ADCY3: variants seen among roughly 807,000 people sequenced by gnomAD.
The protein encoded by ADCY3 is adenylate cyclase type 3.
In ADCY3, 70 loss-of-function variants were observed where a neutral mutation model predicts 119.4. The ratio of observed to expected loss-of-function variants is 0.59; its 90% CI spans 0.48 to 0.72. The LOEUF (loss-of-function observed/expected upper bound fraction) is 0.72. ADCY3 is among the 30% of genes least tolerant of loss of function. The pLI is 0.00. For synonymous variants in ADCY3, 672 were observed against 621.4 expected, an observed-to-expected ratio of 1.08 and a Z score of -1.21; for missense variants, 1,238 against 1,541.6, an observed-to-expected ratio of 0.80 and a Z score of 3.30.
At chr2:24,897,062 G>A (rs1047465923) in intron 2 of ADCY3, among the ~76,000 whole-genome samples, 2 of 152,166 alleles carry the variant, frequency 1.3e-5, no homozygotes, top group Non-Finnish European at 2.9e-5. Context: ...TCGACTGGAA[G>A]CAGAAGTCTC....
intron 3 of ADCY3, among the ~76,000 whole-genome samples, chr2:24,844,117 CA>C (rs1282078647): frequency 2.0e-5 from 3 of 152,190 alleles, no homozygotes; most frequent in Non-Finnish European, 4.4e-5. Flanking sequence ...GCAGCAGGCA[CA>C]GGGGGAGGCC....
rs963589632 is a variant in ADCY3 at position 24,918,808 on chromosome 2, C to G, written c.180G>C (p.Glu60Asp). Residue 60 changes from glutamate to aspartate, a missense_variant, in exon 2 of 22, where the codon GAG (glutamate) becomes GAC (aspartate). This residue lies in a region of ADCY3 where 227 missense variants were observed against 249.3 expected (regional missense o/e 0.91). Transcript: ENST00000679454. The surrounding 1 kb of genome is among the most constrained non-coding windows in gnomAD (Gnocchi z 5.4). Reference sequence around the variant, plus strand: ...AGGTCTGGTAGAGGTTCTCCAAGGACTCCGGCACGAAAGTCAGCCGCATGA... The same window carrying G: ...AGGTCTGGTAGAGGTTCTCCAAGGAGTCCGGCACGAAAGTCAGCCGCATGA... ...PRFMRLTFVP[E>D]SLENLYQTYF... 27 of 1,613,726 alleles carry G rather than the reference C, an allele frequency of 1.7e-5. No homozygotes were observed. The African/African-American group carries it at 2.8e-4, about 17-fold the overall frequency.
chr2:24,859,801 G>A (rs1249737003), intron 3 of ADCY3, among the ~76,000 whole-genome samples: 1 of 152,180 alleles, frequency 6.6e-6, no homozygotes, highest in East Asian at 1.9e-4. Flanking sequence ...AGGCAGCTGT[G>A]TCTCTGTGCA....
chr2:24,903,072 G>A lies in ADCY3; in HGVS notation c.675+15241C>T, dbSNP rs545654688. ...TGAGGCAGGAGAATCACTTGAACCCGGGAGGCGAAGATTGCAGTGAGCCAA... is the reference window on the plus strand; with the variant it reads ...TGAGGCAGGAGAATCACTTGAACCCAGGAGGCGAAGATTGCAGTGAGCCAA... On this transcript the variant is annotated intron_variant, in intron 2 of 21. Transcript: ENST00000679454. 3.3e-5 allele frequency among the ~76,000 whole-genome samples: 5 copies of A among 151,580 alleles called. No individual in the cohort carries two copies. In the East Asian group the frequency reaches 7.8e-4, roughly 24 times the overall value.
rs920298679 is a variant in ADCY3, at chr2:24,872,234, G to C, written c.825+336C>G. 6.6e-6 allele frequency among the ~76,000 whole-genome samples: 1 copy of C among 152,188 alleles called. No individual in the cohort carries two copies. The highest frequency in any genetic ancestry group is 6.5e-5 in the Admixed American group (1 of 15,282). On this transcript the variant is annotated intron_variant, in intron 3 of 21. Coordinates refer to ENST00000679454, the MANE Select transcript of ADCY3 (RefSeq NM_004036.5). This position sits in a 1 kb window ranked among gnomAD's most constrained non-coding sequence, Gnocchi z 4.4. ...GGTCCCGAGAAGGTCATCTGAGAAA[G>C]GAATGCAGGAAGTCATAGCTGGCTG...
At chr2:24,875,033 G>A (rs150173815) in intron 2 of ADCY3, among the ~76,000 whole-genome samples, 1 of 152,224 alleles carries the variant, frequency 6.6e-6, no homozygotes, top group African/African-American at 2.4e-5. Flanking sequence ...CAACCGAGGG[G>A]GTAATGACAG....
intron 9 of ADCY3, among the ~76,000 whole-genome samples, chr2:24,835,857 AC>A (rs1670244001): frequency 6.6e-6 from 1 of 150,446 alleles, no homozygotes; most frequent in South Asian, 2.1e-4. Flanking sequence ...AATCTCTTGC[AC>A]CCGGGAGGCA....
intron 3 of ADCY3, among the ~76,000 whole-genome samples, chr2:24,845,262 C>T (rs1351559392): frequency 1.3e-5 from 2 of 152,188 alleles, no homozygotes; most frequent in African/African-American, 2.4e-5. Context: ...GAGGTCAGAA[C>T]AGTTTGGAGG....
Position 24,919,909 on chromosome 2 carries a change from G to A in ADCY3, c.-424C>T, listed in dbSNP as rs1262598496. 1.3e-5 allele frequency: 2 copies of A among 150,602 alleles called. No individual in the cohort carries two copies. The highest frequency in any genetic ancestry group is 2.4e-5 in the African/African-American group (1 of 41,254). 9.3% of individuals were successfully genotyped at this position (150,602 alleles called of 1,614,324 possible). A position where few individuals can be genotyped will look rare whatever the true frequency, so the allele number is the denominator to read the frequency against. On this transcript the variant is annotated 5_prime_UTR_variant, in exon 1 of 22. Transcript: ENST00000679454. This position sits in a 1 kb window ranked among gnomAD's most constrained non-coding sequence, Gnocchi z 5.5. ...GGCGCCCGGCCGCAGGGGGAAGGAG[G>A]AGGCGGCGACGAGGGCTGGGAGATC...
chr2:24,877,479 A>C (rs1675856550), intron 2 of ADCY3, among the ~76,000 whole-genome samples: 1 of 152,180 alleles, frequency 6.6e-6, no homozygotes, highest in African/African-American at 2.4e-5. Context: ...CGCTCCCCTG[A>C]GGACAGCGGA....
intron 9 of ADCY3, among the ~76,000 whole-genome samples, chr2:24,835,191 C>T (rs183695635): frequency 1.0e-3 from 155 of 152,316 alleles, no homozygotes; most frequent in Admixed American, 3.5e-3. Flanking sequence ...AGGGAGGGTC[C>T]GCTAATGACA....
chr2:24,895,223 T>A (rs113799488), intron 2 of ADCY3, among the ~76,000 whole-genome samples: 1 of 152,104 alleles, frequency 6.6e-6, no homozygotes, highest in Admixed American at 6.6e-5. Context: ...CCTGAGTAAC[T>A]GGGACTACGG....
At chr2:24,910,666 T>C (rs887706066) in intron 2 of ADCY3, among the ~76,000 whole-genome samples, 2 of 149,792 alleles carry the variant, frequency 1.3e-5, no homozygotes, top group East Asian at 1.9e-4. Context: ...CTTTTCTTTT[T>C]TTTTTTTTTT....
intron 16 of ADCY3, chr2:24,825,713 C>T (rs192040576): frequency 1.9e-4 from 55 of 296,480 alleles, no homozygotes; most frequent in Non-Finnish European, 4.4e-5. Context: ...CTCAGCGCCA[C>T]GGGGAGTGCG....
Position 24,918,511 on chromosome 2 carries a change from G to T in ADCY3, c.477C>A (p.Phe159Leu). 1 of 1,613,996 alleles carries T rather than the reference G, an allele frequency of 6.2e-7. No individual in the cohort carries two copies. ...TGTCACTAGCCGCGTGGGCACGCGC[G>T]AAGTTCAGGCCCAGGTAGGAGAAGA... ...AQIFSYLGLN[F>L]ARAHAASDTV... Residue 159 changes from phenylalanine to leucine, a missense_variant, in exon 2 of 22, where the codon TTC becomes TTA. This residue lies in a region of ADCY3 where 227 missense variants were observed against 249.3 expected (regional missense o/e 0.91). Coordinates refer to ENST00000679454, the MANE Select transcript of ADCY3 (RefSeq NM_004036.5). This position sits in a 1 kb window ranked among gnomAD's most constrained non-coding sequence, Gnocchi z 5.4.
Position 24,898,634 on chromosome 2 carries a change from C to T in ADCY3, c.675+19679G>A, listed in dbSNP as rs940779536. 1.3e-5 allele frequency among the ~76,000 whole-genome samples: 2 copies of T among 152,156 alleles called. No homozygotes were observed. Among genetic ancestry groups the T allele is most frequent in the Non-Finnish European group, 1.5e-5 (1 of 68,022 alleles). On this transcript the variant is annotated intron_variant, in intron 2 of 21. Transcript: ENST00000679454. This position sits in a 1 kb window ranked among gnomAD's most constrained non-coding sequence, Gnocchi z 4.3. ...CACTGGAAAGGAGCCCTCCCATTTC[C>T]GCCTCTGACTTCCTTTCCACAAAGC...
rs1466007851 is a variant in ADCY3, at chr2:24,867,757, T to C, written c.825+4813A>G. ...AAAGAAATGGAGAAAGGAAGAGCAA[T>C]TGAGAGGGCAAAACTGTGGGTAAAT... On this transcript the variant is annotated intron_variant, in intron 3 of 21. Transcript: ENST00000679454. Among the ~76,000 whole-genome samples, 4 of 152,076 alleles carry C rather than the reference T, an allele frequency of 2.6e-5. 1 individual carries two copies. The highest frequency in any genetic ancestry group is 5.9e-5 in the Non-Finnish European group (4 of 68,008).
chr2:24,880,546 G>T (rs1676263734), intron 2 of ADCY3, among the ~76,000 whole-genome samples: 1 of 152,220 alleles, frequency 6.6e-6, no homozygotes, highest in Non-Finnish European at 1.5e-5. Flanking sequence ...CCTTACCCTT[G>T]TCAAGCTCTT....
intron 2 of ADCY3, among the ~76,000 whole-genome samples, chr2:24,879,452 CAAAAAAAAAAAAA>C (rs34029858): frequency 1.5e-5 from 1 of 66,084 alleles, no homozygotes; most frequent in Non-Finnish European, 2.9e-5. Context: ...GACTCTGTCT[CAAAAAAAAAAAAA>C]AAAAAAAAAA....
Sources: allele counts gnomAD v4.1 joint callset (sites outside exome capture counted in the v4.1 genomes callset), GRCh38; gene constraint gnomAD v4.1.1; regional missense constraint gnomAD v4.1.1; non-coding constraint Gnocchi (gnomAD v3.1); transcripts MANE v1.5; gene names NCBI Gene and HGNC (gene_info 2026-07-23, HGNC 2026-07-21).